The following PDE4B variants were observed in gnomAD, a reference collection of about 807,000 sequenced individuals.
PDE4B encodes the protein 3',5'-cyclic-AMP phosphodiesterase 4B.
PDE4B carries 20 observed loss-of-function variants against 82.2 expected under a neutral mutation model. The observed-to-expected ratio is 0.24, with a 90% CI of 0.17 to 0.35. The LOEUF (loss-of-function observed/expected upper bound fraction) is 0.35, where lower values mean the gene tolerates loss of function less well. Ranked by LOEUF, PDE4B falls within the 10% of genes least tolerant of loss-of-function variation. PDE4B has a pLI of 1.00. For synonymous variants in PDE4B, 320 were observed against 318.9 expected, an observed-to-expected ratio of 1.00 and a Z score of -0.04; for missense variants, 655 against 907.2, an observed-to-expected ratio of 0.72 and a Z score of 3.57.
intron 7 of PDE4B, among the ~76,000 whole-genome samples, chr1:66,331,247 A>G (rs1660085393): frequency 6.6e-6 from 1 of 152,020 alleles, no homozygotes; most frequent in Admixed American, 6.5e-5. Context: ...TTATATTAGA[A>G]CTCCATGTGA....
chr1:66,361,187 A>G (rs543830487), intron 9 of PDE4B, among the ~76,000 whole-genome samples: 12 of 152,294 alleles, frequency 7.9e-5, no homozygotes, highest in African/African-American at 2.9e-4. Flanking sequence ...AATCTGATGG[A>G]CATTTTATTA....
chr1:66,363,113 G>A, intron 10 of PDE4B, 55 bp from the exon 11 acceptor site: 1 of 1,175,124 alleles, frequency 8.5e-7, no homozygotes. Context: ...AAAAAAATGA[G>A]GCATGTTAGC....
intron 3 of PDE4B, among the ~76,000 whole-genome samples, chr1:65,994,665 A>C (rs542216764): frequency 3.3e-5 from 5 of 152,296 alleles, no homozygotes; most frequent in Non-Finnish European, 5.9e-5. Context: ...TAATATATAC[A>C]GAAAATACAC....
At chr1:66,332,209 A>G in intron 7 of PDE4B, 2 of 1,430,754 alleles carry the variant, frequency 1.4e-6, no homozygotes, top group South Asian at 3.1e-5. Context: ...TATGCAGATG[A>G]GCTTATAAGA....
At chr1:66,238,426 C>T (rs1024528319) in intron 3 of PDE4B, among the ~76,000 whole-genome samples, 9 of 152,116 alleles carry the variant, frequency 5.9e-5, no homozygotes, top group African/African-American at 1.9e-4. Flanking sequence ...CAGGCAGTGA[C>T]ATGATTTTAT....
chr1:66,322,832 T>C (rs886573819), intron 7 of PDE4B, among the ~76,000 whole-genome samples: 2 of 152,116 alleles, frequency 1.3e-5, no homozygotes, highest in African/African-American at 4.8e-5. Flanking sequence ...TGTTTTGGTA[T>C]GGTTTACCTC....
At chr1:66,104,297 C>T (rs1404020698) in intron 3 of PDE4B, among the ~76,000 whole-genome samples, 8 of 151,524 alleles carry the variant, frequency 5.3e-5, no homozygotes, top group Non-Finnish European at 1.2e-4. Context: ...CATAGTATTC[C>T]ATGGTGTATA....
At position 65,958,780 on chromosome 1, in the gene PDE4B, A is replaced by G. The variant is rs566285127; in HGVS notation, c.281+39945A>G. Among the ~76,000 whole-genome samples, 636 of 152,172 alleles carry G rather than the reference A, an allele frequency of 4.2e-3. 2 individuals carry two copies. The highest frequency in any genetic ancestry group is 7.0e-3 in the Non-Finnish European group (475 of 68,004). On this transcript the variant is annotated intron_variant, in intron 3 of 16. Transcript: ENST00000341517. ...CGCGCGCGCGCACACACATACACAC[A>G]CGCAAAATACCATAGTGTTACCTTA...
rs1040766807 is a variant in PDE4B, at chr1:65,871,632, A to G, written c.-70-41613A>G. Among the ~76,000 whole-genome samples the G allele has an allele frequency of 4.6e-5, 7 of 152,358 alleles. No homozygotes were observed. The South Asian group carries it at 1.4e-3, about 32-fold the overall frequency. On this transcript the variant is annotated intron_variant, in intron 1 of 16. Transcript: ENST00000341517. Reference sequence around the variant, plus strand: ...CTAACTAACTACCAGCTATGAAAAGAAGACTTCAGTTGCCTGAAAGGTTGA... The same window carrying G: ...CTAACTAACTACCAGCTATGAAAAGGAGACTTCAGTTGCCTGAAAGGTTGA...
intron 3 of PDE4B, among the ~76,000 whole-genome samples, chr1:66,229,898 C>T (rs1189325241): frequency 6.6e-6 from 1 of 152,196 alleles, no homozygotes; most frequent in Non-Finnish European, 1.5e-5. Flanking sequence ...GGCCCTTTAG[C>T]TAGCAAATGA....
rs1476973074 is a variant in PDE4B, at chr1:66,096,524, A to ATATG, written c.282-150933_282-150932insGTAT. On this transcript the variant is annotated intron_variant, in intron 3 of 16. Coordinates refer to ENST00000341517, the MANE Select transcript of PDE4B (RefSeq NM_002600.4). ...TAAAAAAAATTATATATATATATAT[A>ATATG]TATATATATATATATATACTGCATT... Among the ~76,000 whole-genome samples the ATATG allele has an allele frequency of 5.0e-3, 694 of 139,662 alleles. 18 individuals carry two copies. The highest frequency in any genetic ancestry group is 0.017 in the African/African-American group (643 of 37,114). The allele number at this position is 139,662 out of a possible 152,430, so 91.6% of individuals were successfully genotyped here.
chr1:66,020,856 G>A (rs1653062930), intron 3 of PDE4B, among the ~76,000 whole-genome samples: 1 of 152,188 alleles, frequency 6.6e-6, no homozygotes, highest in African/African-American at 2.4e-5. Flanking sequence ...GGGTCAAATG[G>A]TATTTCTAGT....
chr1:66,274,372 C>T (rs1655730456), intron 7 of PDE4B, among the ~76,000 whole-genome samples: 1 of 151,512 alleles, frequency 6.6e-6, no homozygotes. Flanking sequence ...GGAGTTTCAC[C>T]ATGTTGGTCA....
intron 1 of PDE4B, among the ~76,000 whole-genome samples, chr1:65,885,757 T>G (rs1210587224): frequency 6.6e-6 from 1 of 151,876 alleles, no homozygotes; most frequent in African/African-American, 2.4e-5. Context: ...ATATACCTAA[T>G]GTAAGTGATG....
At chr1:65,834,789 G>A (rs1265071757) in intron 1 of PDE4B, among the ~76,000 whole-genome samples, 1 of 152,076 alleles carries the variant, frequency 6.6e-6, no homozygotes, top group Non-Finnish European at 1.5e-5. Context: ...GGTTGTACTG[G>A]TAAGTTCTAA....
At chr1:66,255,289 T>C (rs983370161) in intron 4 of PDE4B, among the ~76,000 whole-genome samples, 1 of 152,050 alleles carries the variant, frequency 6.6e-6, no homozygotes, top group Non-Finnish European at 1.5e-5. Context: ...GGTTCCTCCA[T>C]GTTGATCAGA....
chr1:66,365,649 T>C lies in PDE4B; in HGVS notation c.1285-18T>C. 1 of 1,500,148 alleles carries C rather than the reference T, an allele frequency of 6.7e-7. No homozygotes were observed. The highest frequency in any genetic ancestry group is 9.3e-7 in the Non-Finnish European group (1 of 1,078,728). The allele number at this position is 1,500,148 out of a possible 1,614,324, so 92.9% of individuals were successfully genotyped here. A position where few individuals can be genotyped will look rare whatever the true frequency, so the allele number is the denominator to read the frequency against. ...GGCGAATTGGATGTGTAGTTAAATG[T>C]GTTTATTTGCCCGACAGGCTGTCTT... On this transcript the variant is annotated intron_variant, in intron 12 of 16. Transcript: ENST00000341517.
chr1:65,981,785 T>A (rs572825615), intron 3 of PDE4B, among the ~76,000 whole-genome samples: 8 of 152,298 alleles, frequency 5.3e-5, no homozygotes, highest in South Asian at 4.1e-4. Context: ...AAACTCTCAA[T>A]AAATAATGGT....
chr1:65,889,058 C>T (rs533822451), intron 1 of PDE4B, among the ~76,000 whole-genome samples: 7 of 152,048 alleles, frequency 4.6e-5, no homozygotes, highest in South Asian at 4.2e-4. Context: ...TTCAGTATGA[C>T]GTTAGCTGTA....
Sources: gnomAD v4.1 joint callset for allele counts (sites outside exome capture counted in the v4.1 genomes callset) on GRCh38, gnomAD v4.1.1 for gene constraint, MANE v1.5 for transcripts, NCBI Gene and HGNC (gene_info 2026-07-23, HGNC 2026-07-21) for gene names.